MATN2: variants seen among roughly 807,000 people sequenced by gnomAD.
MATN2 encodes matrilin 2, also known as matrilin-2.
A neutral mutation model predicts 103.2 loss-of-function variants in MATN2; 69 were observed. The observed-to-expected ratio is 0.67, with a 90% confidence interval of 0.55 to 0.82. The LOEUF (loss-of-function observed/expected upper bound fraction) is 0.82. Among genes scored for constraint, MATN2 ranks in the 40% least tolerant of loss-of-function variants. The pLI, the probability that MATN2 is intolerant of heterozygous loss-of-function variation, is 0.00. For synonymous variants in MATN2, 429 were observed against 450.2 expected (o/e 0.95, Z 0.60); for missense variants, 1,023 against 1,211.5 (o/e 0.84, Z 2.31).
chr8:98,033,597 G>A lies in MATN2; in HGVS notation c.2753G>A (p.Cys918Tyr). 6.2e-7 allele frequency: 1 copy of A among 1,606,256 alleles called. No individual in the cohort carries two copies. The highest frequency in any genetic ancestry group is 8.5e-7 in the Non-Finnish European group (1 of 1,176,590). ...GAAGAAAAACACGATCAATGCAAAT[G>A]TGAAAACCTTATAATGTTCCAGAAC... Reference protein sequence around the residue: ...PLEEKHDQCKCENLIMFQNLA... With the variant: ...PLEEKHDQCKYENLIMFQNLA... Residue 918 changes from cysteine (C) to tyrosine (Y), a missense_variant, in exon 18 of 19, where the codon TGT becomes TAT. Coordinates refer to ENST00000254898, the MANE Select transcript of MATN2 (RefSeq NM_002380.5).
intron 2 of MATN2, among the ~76,000 whole-genome samples, chr8:97,920,959 G>T (rs557412669): frequency 5.9e-4 from 90 of 152,260 alleles, no homozygotes; most frequent in African/African-American, 2.0e-3. Context: ...GACATGCAAG[G>T]CTTGGACTTG....
chr8:97,947,644 CA>C (rs2130205756), intron 4 of MATN2, among the ~76,000 whole-genome samples: 2 of 152,272 alleles, frequency 1.3e-5, no homozygotes, highest in Non-Finnish European at 2.9e-5. Context: ...TATACCCTAT[CA>C]TGGATTGGAA....
Position 98,035,796 on chromosome 8 carries a change from G to T in MATN2, c.*84G>T. On this transcript the variant is annotated 3_prime_UTR_variant, in exon 19 of 19. Coordinates refer to ENST00000254898, the MANE Select transcript of MATN2 (RefSeq NM_002380.5). ...GCAGAGCCCCAAAGCTCAGGCTATT[G>T]TTAAATCAATAATGTTGTGAAGTAA... The T allele has an allele frequency of 1.3e-6, 1 of 793,064 alleles. No individual in the cohort carries two copies. Among genetic ancestry groups the T allele is most frequent in the Non-Finnish European group, 2.0e-6 (1 of 511,610 alleles). The allele number at this position is 793,064 out of a possible 1,614,324, so 49.1% of individuals were successfully genotyped here. A position where few individuals can be genotyped will look rare whatever the true frequency, so the allele number is the denominator to read the frequency against.
intron 5 of MATN2, among the ~76,000 whole-genome samples, chr8:97,968,740 T>G (rs915197769): frequency 3.3e-5 from 5 of 152,246 alleles, no homozygotes; most frequent in Non-Finnish European, 1.5e-5. Flanking sequence ...TCACAACCAC[T>G]TAACAAGTCT....
At chr8:97,895,899 A>G (rs1390571237) in intron 2 of MATN2, among the ~76,000 whole-genome samples, 2 of 152,162 alleles carry the variant, frequency 1.3e-5, no homozygotes, top group Non-Finnish European at 2.9e-5. Context: ...AAGGTGCTCA[A>G]CCCCCAGCCC....
intron 1 of MATN2, among the ~76,000 whole-genome samples, chr8:97,884,954 G>A (rs1012187287): frequency 5.3e-5 from 8 of 152,320 alleles, no homozygotes; most frequent in African/African-American, 1.9e-4. Flanking sequence ...TCAAGAGAGG[G>A]TAAGTAACCT....
At chr8:97,925,585 T>A (rs573367394) in intron 2 of MATN2, among the ~76,000 whole-genome samples, 27 of 152,318 alleles carry the variant, frequency 1.8e-4, no homozygotes, top group Middle Eastern at 3.4e-3. Flanking sequence ...ACTAATTAAG[T>A]GCTCAGTAAA....
chr8:97,871,480 C>G (rs1269018567), intron 1 of MATN2, among the ~76,000 whole-genome samples: 1 of 152,206 alleles, frequency 6.6e-6, no homozygotes, highest in African/African-American at 2.4e-5. Context: ...TCTAGTGCTG[C>G]CCCTGGCACT....
chr8:97,881,974 T>G (rs1818269875), intron 1 of MATN2, among the ~76,000 whole-genome samples: 1 of 138,262 alleles, frequency 7.2e-6, no homozygotes, highest in South Asian at 2.3e-4. Context: ...CAGGCTGGAG[T>G]GCAATGGTGT....
Position 98,011,032 on chromosome 8 carries a change from G to T in MATN2, c.1573+3431G>T, listed in dbSNP as rs117668002. 1.4e-3 allele frequency among the ~76,000 whole-genome samples: 206 copies of T among 152,336 alleles called. 2 individuals carry two copies. The East Asian group carries it at 0.034, about 25-fold the overall frequency. On this transcript the variant is annotated intron_variant, in intron 10 of 18. Coordinates refer to ENST00000254898, the MANE Select transcript of MATN2 (RefSeq NM_002380.5). ...TTTCTCACAGTTCTGGAGGCTGGAAGTCCAGGATCCAGGTGCTGGCATGGC... is the reference window on the plus strand; with the variant it reads ...TTTCTCACAGTTCTGGAGGCTGGAATTCCAGGATCCAGGTGCTGGCATGGC...
intron 6 of MATN2, among the ~76,000 whole-genome samples, chr8:97,990,732 C>G (rs1300321555): frequency 6.6e-6 from 1 of 152,006 alleles, no homozygotes; most frequent in East Asian, 1.9e-4. Flanking sequence ...AGAATACATA[C>G]TATATGATTA....
intron 13 of MATN2, among the ~76,000 whole-genome samples, chr8:98,023,578 G>A (rs1180751505): frequency 6.6e-6 from 1 of 152,110 alleles, no homozygotes; most frequent in Non-Finnish European, 1.5e-5. Flanking sequence ...GGCTGAGGTG[G>A]GAGGATCACC....
intron 13 of MATN2, among the ~76,000 whole-genome samples, chr8:98,024,634 A>G (rs1450250537): frequency 6.6e-6 from 1 of 152,270 alleles, no homozygotes; most frequent in Non-Finnish European, 1.5e-5. Flanking sequence ...ATTGAGGCCC[A>G]GGCCGAATGG....
At chr8:97,978,210 A>C (rs909648003) in intron 5 of MATN2, among the ~76,000 whole-genome samples, 1 of 152,204 alleles carries the variant, frequency 6.6e-6, no homozygotes, top group African/African-American at 2.4e-5. Flanking sequence ...ATTTTTGTTC[A>C]TTACACATAT....
At chr8:97,904,097 T>G (rs940917076) in intron 2 of MATN2, among the ~76,000 whole-genome samples, 31 of 152,340 alleles carry the variant, frequency 2.0e-4, no homozygotes, top group African/African-American at 6.3e-4. Context: ...CCCTCTAATT[T>G]TCATTTTTTG....
At chr8:97,930,405 T>G (rs1810137303) in intron 2 of MATN2, 1 of 152,704 alleles carries the variant, frequency 6.5e-6, no homozygotes, top group African/African-American at 2.4e-5. Flanking sequence ...CATTGGCAAC[T>G]TTCTAGAAAC....
chr8:97,990,773 A>C (rs1812365761), intron 6 of MATN2, among the ~76,000 whole-genome samples: 1 of 152,228 alleles, frequency 6.6e-6, no homozygotes, highest in Non-Finnish European at 1.5e-5. Context: ...GGGAGATAAA[A>C]AAAGAAGATA....
In MATN2 at chr8:97,912,794, C is replaced by T. The variant is rs1321335272; in HGVS notation, c.143-18159C>T. Among the ~76,000 whole-genome samples, 33 of 152,022 alleles carry T rather than the reference C, an allele frequency of 2.2e-4. 1 individual carries two copies. The highest frequency in any genetic ancestry group is 1.9e-3 in the Admixed American group (29 of 15,242). Reference sequence around the variant, plus strand: ...ACCTCAGTAGAGAGTGGGGGTGATACGTGAGTGAGGCATCAAAGAGGCCAA... The same window carrying T: ...ACCTCAGTAGAGAGTGGGGGTGATATGTGAGTGAGGCATCAAAGAGGCCAA... On this transcript the variant is annotated intron_variant, in intron 2 of 18. Coordinates refer to ENST00000254898, the MANE Select transcript of MATN2 (RefSeq NM_002380.5).
intron 3 of MATN2, among the ~76,000 whole-genome samples, chr8:97,934,814 G>T (rs1300369881): frequency 6.6e-6 from 1 of 152,194 alleles, no homozygotes; most frequent in African/African-American, 2.4e-5. Flanking sequence ...CTTTACATAA[G>T]ATAAGGTGAA....
Sources: allele counts gnomAD v4.1 joint callset (sites outside exome capture counted in the v4.1 genomes callset), GRCh38; gene constraint gnomAD v4.1.1; transcripts MANE v1.5; gene names NCBI Gene and HGNC (gene_info 2026-07-23, HGNC 2026-07-21).